RASGEF1C: variants seen among roughly 807,000 people sequenced by gnomAD.
RASGEF1C encodes the protein RasGEF domain family member 1C, also known as ras-GEF domain-containing family member 1C.
Under a neutral mutation model 58.1 loss-of-function variants are expected in RASGEF1C, and 27 were observed. The ratio of observed to expected loss-of-function variants is 0.46; its 90% CI spans 0.34 to 0.64. The LOEUF is 0.64. Among genes scored for constraint, RASGEF1C ranks in the 30% least tolerant of loss-of-function variants. The pLI is 0.01. For missense variants in RASGEF1C, 502 were observed against 605.1 expected, an observed-to-expected ratio of 0.83 and a Z score of 1.79; for synonymous variants, 243 against 246.3, an observed-to-expected ratio of 0.99 and a Z score of 0.13.
chr5:180,169,805 TCCAAGCCCGCCTCTCTGG>T (rs1767076345), intron 1 of RASGEF1C, among the ~76,000 whole-genome samples: 1 of 29,414 alleles, frequency 3.4e-5, no homozygotes, highest in Non-Finnish European at 1.1e-4. Context: ...CCCATGGGGC[TCCAAGCCCGCCTCTCTGG>T]CCCAGCCTCA....
chr5:180,157,999 C>A (rs1443747768), intron 1 of RASGEF1C, among the ~76,000 whole-genome samples: 1 of 152,176 alleles, frequency 6.6e-6, no homozygotes, highest in African/African-American at 2.4e-5. Flanking sequence ...TCAGCTGTAA[C>A]AAACATACCA....
chr5:180,136,714 C>T lies in RASGEF1C; in HGVS notation c.301-199G>A, dbSNP rs2113277306. ...GGGACGGACACATTTCTGGGCAGGG[C>T]CATCTCTTGCTCTGGCCTTTCTGCG... On this transcript the variant is annotated intron_variant, in intron 3 of 13. Transcript: ENST00000361132. 8.4e-6 allele frequency: 5 copies of T among 594,928 alleles called. No individual in the cohort carries two copies. In the South Asian group the frequency reaches 1.1e-4, roughly 13 times the overall value. The allele number at this position is 594,928 out of a possible 1,614,324, so 36.9% of individuals were successfully genotyped here.
chr5:180,189,541 C>T (rs1756107091), intron 1 of RASGEF1C, among the ~76,000 whole-genome samples: 1 of 152,140 alleles, frequency 6.6e-6, no homozygotes, highest in African/African-American at 2.4e-5. Context: ...CTGAAAACAA[C>T]TAGAAATAGA....
chr5:180,148,462 A>C (rs1392756311), intron 1 of RASGEF1C, among the ~76,000 whole-genome samples: 4 of 151,752 alleles, frequency 2.6e-5, no homozygotes, highest in Non-Finnish European at 5.9e-5. Context: ...TTGTGGTGAA[A>C]CATTAATTCC....
chr5:180,149,609 C>T lies in RASGEF1C; in HGVS notation c.-6-11551G>A, dbSNP rs1294262866. On this transcript the variant is annotated intron_variant, in intron 1 of 13. Transcript: ENST00000361132. ...TAGCTGGGACTACAGGCATGCACCA[C>T]CACGCCCAGCTAATTTTTGTATTTT... is the stretch of plus-strand genomic sequence containing the variant. Among the ~76,000 whole-genome samples, 5 of 151,790 alleles carry T rather than the reference C, an allele frequency of 3.3e-5. No homozygotes were observed. The East Asian group carries it at 7.7e-4, about 23-fold the overall frequency.
chr5:180,207,970 G>T (rs1024636744), intron 1 of RASGEF1C, among the ~76,000 whole-genome samples: 2 of 152,162 alleles, frequency 1.3e-5, no homozygotes, highest in African/African-American at 4.8e-5. Flanking sequence ...TTGATTTCTT[G>T]TTTGGTGTCC....
At chr5:180,136,079 C>T (rs919420506) in intron 4 of RASGEF1C, among the ~76,000 whole-genome samples, 4 of 152,202 alleles carry the variant, frequency 2.6e-5, no homozygotes, top group African/African-American at 9.7e-5. Context: ...CTGCCAGCCC[C>T]GCCTAGTAGG....
chr5:180,128,469 G>A lies in RASGEF1C; in HGVS notation c.580C>T (p.Leu194Phe), dbSNP rs1441532856. Residue 194 changes from leucine to phenylalanine, a missense_variant, in exon 5 of 14, where the codon CTC becomes TTC. Physicochemically the swap from Leu to Phe is conservative, Grantham distance 22. Transcript: ENST00000361132. ...TKPPASIHRE[L>F]LGVCSDPYTL... ...TAGGGGTCGCTGCAGACACCAAGGA[G>A]CTCCCTGTGGATGGAGGCTGGTGGC... 1.2e-6 allele frequency: 2 copies of A among 1,613,992 alleles called. No individual in the cohort carries two copies. Among genetic ancestry groups the A allele is most frequent in the African/African-American group, 2.7e-5 (2 of 74,918 alleles).
rs1174582430 is a variant in RASGEF1C at position 180,177,224 on chromosome 5, C to T, written c.-7+31804G>A. Among the ~76,000 whole-genome samples, 4 of 152,158 alleles carry T rather than the reference C, an allele frequency of 2.6e-5. No individual in the cohort carries two copies. The highest frequency in any genetic ancestry group is 2.6e-4 in the Admixed American group (4 of 15,280). The stretch of plus-strand genomic sequence containing the variant: ...AGCCGAGTAGAGGATGCATTCAAAC[C>T]ATGTGCACATCAGCCCCTCAGCCCC... On this transcript the variant is annotated intron_variant, in intron 1 of 13. Transcript: ENST00000361132. This position sits in a 1 kb window ranked among gnomAD's most constrained non-coding sequence, Gnocchi z 5.0.
intron 4 of RASGEF1C, 114 bp downstream of exon 4, chr5:180,136,264 C>T (rs866194529): frequency 9.1e-7 from 1 of 1,103,446 alleles, no homozygotes; most frequent in Non-Finnish European, 1.3e-6. Flanking sequence ...TGGATTTGGA[C>T]GGGCCGTGGT....
intron 12 of RASGEF1C, among the ~76,000 whole-genome samples, chr5:180,110,392 C>CTTTT (rs67020657): frequency 0.33 from 43,162 of 131,944 alleles, 7,943 homozygotes; most frequent in East Asian, 0.49. Context: ...ATCCTTCTCC[C>CTTTT]TTTTTTTTTT....
Position 180,101,294 on chromosome 5 carries a change from T to C in RASGEF1C, c.*207A>G. Reference sequence around the variant, plus strand: ...GTGCCGCCCGCACGTCTGGAGGCCCTGGGTCCTGCCAGGGCCAAAGTCCCA... The same window carrying C: ...GTGCCGCCCGCACGTCTGGAGGCCCCGGGTCCTGCCAGGGCCAAAGTCCCA... On this transcript the variant is annotated 3_prime_UTR_variant, in exon 14 of 14. Coordinates refer to ENST00000361132, the MANE Select transcript of RASGEF1C (RefSeq NM_175062.4). 1.7e-6 allele frequency: 1 copy of C among 593,894 alleles called. No homozygotes were observed. Among genetic ancestry groups the C allele is most frequent in the Non-Finnish European group, 2.9e-6 (1 of 340,194 alleles). 36.8% of individuals were successfully genotyped at this position (593,894 alleles called of 1,614,324 possible). A position where few individuals can be genotyped will look rare whatever the true frequency, so the allele number is the denominator to read the frequency against.
rs1767063705 is a variant in RASGEF1C, at chr5:180,168,998, G to GC, written c.-6-30941dup. 6.6e-6 allele frequency among the ~76,000 whole-genome samples: 1 copy of GC among 152,174 alleles called. No individual in the cohort carries two copies. The highest frequency in any genetic ancestry group is 1.5e-5 in the Non-Finnish European group (1 of 68,036). ...AGTACTCCAAATGCCAGTTTTCAAA[G>GC]CCCTCAAGTAGCTTCTCTGTGCGTT... On this transcript the variant is annotated intron_variant, in intron 1 of 13. Coordinates refer to ENST00000361132, the MANE Select transcript of RASGEF1C (RefSeq NM_175062.4). This position sits in a 1 kb window ranked among gnomAD's most constrained non-coding sequence, Gnocchi z 6.0.
At chr5:180,125,589 C>T (rs1179132771) in intron 6 of RASGEF1C, among the ~76,000 whole-genome samples, 2 of 152,036 alleles carry the variant, frequency 1.3e-5, no homozygotes, top group African/African-American at 4.8e-5. Flanking sequence ...TCGAGACCAG[C>T]CTGACCAACA....
rs1308935049 is a variant in RASGEF1C at position 180,119,379 on chromosome 5, T to C, written c.874A>G (p.Ile292Val). The change falls in exon 8 of 14, where the codon ATC becomes GTC. Residue 292 changes from isoleucine to valine, a missense_variant. Physicochemically the swap from Ile to Val is conservative, Grantham distance 29 (BLOSUM62 3). Coordinates refer to ENST00000361132, the MANE Select transcript of RASGEF1C (RefSeq NM_175062.4). Reference sequence around the variant, plus strand: ...GCCATGAGGGAGTTGAAGTTGCCGATGTTGAAGCACTCGCGGGCCACGTCG... The same window carrying C: ...GCCATGAGGGAGTTGAAGTTGCCGACGTTGAAGCACTCGCGGGCCACGTCG... ...FIDVARECFN[I>V]GNFNSLMAII... The C allele has an allele frequency of 1.2e-6, 2 of 1,614,040 alleles. No individual in the cohort carries two copies. The highest frequency in any genetic ancestry group is 1.7e-6 in the Non-Finnish European group (2 of 1,179,918).
rs1766521477 is a variant in RASGEF1C at position 180,138,259 on chromosome 5, C to G, written c.-6-201G>C. On this transcript the variant is annotated intron_variant, in intron 1 of 13. Transcript: ENST00000361132. ...CAGCACAGCCTTCATTCTCCGTCTT[C>G]TCATGGCCTCTCAACTCTCCTGCAG... 9.2e-6 allele frequency: 4 copies of G among 435,840 alleles called. No homozygotes were observed. The East Asian group carries it at 1.4e-4, about 16-fold the overall frequency. 27.0% of individuals were successfully genotyped at this position (435,840 alleles called of 1,614,324 possible). A position where few individuals can be genotyped will look rare whatever the true frequency, so the allele number is the denominator to read the frequency against.
chr5:180,181,679 T>G (rs940206479), intron 1 of RASGEF1C, among the ~76,000 whole-genome samples: 2 of 152,198 alleles, frequency 1.3e-5, no homozygotes, highest in Non-Finnish European at 1.5e-5. Context: ...TCAGAGGGAA[T>G]GTGTCCCATG....
chr5:180,101,320 T>C lies in RASGEF1C; in HGVS notation c.*181A>G. On this transcript the variant is annotated 3_prime_UTR_variant, in exon 14 of 14. Transcript: ENST00000361132. The stretch of plus-strand genomic sequence containing the variant: ...GGGTCCTGCCAGGGCCAAAGTCCCA[T>C]AAAAGGTCTCCTGTGCCCGTATGGC... 1 of 645,056 alleles carries C rather than the reference T, an allele frequency of 1.6e-6. No individual in the cohort carries two copies. The highest frequency in any genetic ancestry group is 1.9e-5 in the South Asian group (1 of 52,134). The allele number at this position is 645,056 out of a possible 1,614,324, so 40.0% of individuals were successfully genotyped here.
intron 1 of RASGEF1C, among the ~76,000 whole-genome samples, chr5:180,162,147 G>A (rs1029574163): frequency 2.6e-5 from 4 of 152,216 alleles, no homozygotes; most frequent in African/African-American, 7.2e-5. Context: ...GGCCTGCAGA[G>A]GGGGTGTGAG....
Sources: gnomAD v4.1 joint callset for allele counts (sites outside exome capture counted in the v4.1 genomes callset) on GRCh38, gnomAD v4.1.1 for gene constraint, Gnocchi (gnomAD v3.1) non-coding constraint, MANE v1.5 for transcripts, NCBI Gene and HGNC (gene_info 2026-07-23, HGNC 2026-07-21) for gene names.